The following RP1 variants were observed in gnomAD, a reference collection of about 807,000 sequenced individuals.
RP1 encodes the protein oxygen-regulated protein 1.
A neutral mutation model predicts 14.8 loss-of-function variants in RP1; 16 were observed. That is an observed-to-expected ratio of 1.08 (90% CI 0.73 to 1.65). The LOEUF (loss-of-function observed/expected upper bound fraction) is 1.65. RP1 is among the 40% of genes most tolerant of loss of function. The probability of loss-of-function intolerance (pLI) is 0.00; values close to 1 mark genes in which losing one functional copy is unlikely to be tolerated. For missense variants in RP1, 2,631 were observed against 2,535.0 expected, an observed-to-expected ratio of 1.04 and a Z score of -0.81; for synonymous variants, 876 against 883.6, an observed-to-expected ratio of 0.99 and a Z score of 0.15.
chr8:54,815,414 G>T (rs1420938543), intron 24 of RP1, among the ~76,000 whole-genome samples: 1 of 152,150 alleles, frequency 6.6e-6, no homozygotes, highest in Non-Finnish European at 1.5e-5. Flanking sequence ...CTTAATATTT[G>T]CATCAACTCA....
chr8:54,570,336 T>TTA (rs1563314792), intron 1 of RP1, among the ~76,000 whole-genome samples: 1 of 151,442 alleles, frequency 6.6e-6, no homozygotes. Flanking sequence ...TATGTACTTT[T>TTA]TTTTTTTTTT....
At chr8:54,656,326 G>A (rs1806754285) in intron 6 of RP1, 1 of 1,112,280 alleles carries the variant, frequency 9.0e-7, no homozygotes, top group Non-Finnish European at 1.2e-6. Flanking sequence ...AGGACTGCCA[G>A]TTTCTTATCA....
intron 1 of RP1, among the ~76,000 whole-genome samples, chr8:54,580,997 TTTATCTATTTA>T (rs1166101440): frequency 1.5e-5 from 2 of 130,248 alleles, no homozygotes; most frequent in Non-Finnish European, 3.7e-5. Context: ...TTTTTATTTA[TTTATCTATTTA>T]TTTTTTTTTA....
chr8:54,612,544 A>T (rs1805623328), upstream of RP1, among the ~76,000 whole-genome samples: 1 of 152,190 alleles, frequency 6.6e-6, no homozygotes, highest in Non-Finnish European at 1.5e-5. Flanking sequence ...AAGTGGGGAG[A>T]TGAGTTCCTG....
chr8:54,853,975 GAGAA>G (rs1232723637), intron 26 of RP1, among the ~76,000 whole-genome samples: 28 of 149,566 alleles, frequency 1.9e-4, no homozygotes, highest in African/African-American at 6.6e-4. Context: ...GAGAAAGAAA[GAGAA>G]AGAAAGGAAG....
At chr8:54,718,871 G>A (rs1380813051) in intron 15 of RP1, among the ~76,000 whole-genome samples, 1 of 152,120 alleles carries the variant, frequency 6.6e-6, no homozygotes, top group Non-Finnish European at 1.5e-5. Flanking sequence ...AAGCATAGGG[G>A]ATCTTTAGGG....
intron 22 of RP1, chr8:54,759,107 A>T (rs1809576909): frequency 6.6e-7 from 1 of 1,523,498 alleles, no homozygotes. Flanking sequence ...ACTTCAAAAG[A>T]GTATGCTGCA....
At chr8:54,689,028 A>G (rs1807639957) in intron 12 of RP1, among the ~76,000 whole-genome samples, 1 of 152,126 alleles carries the variant, frequency 6.6e-6, no homozygotes, top group Non-Finnish European at 1.5e-5. Context: ...GGTCCTTGAC[A>G]TCCCTTGTAA....
intron 15 of RP1, among the ~76,000 whole-genome samples, chr8:54,711,615 C>T (rs1808295143): frequency 6.6e-6 from 1 of 152,172 alleles, no homozygotes; most frequent in Non-Finnish European, 1.5e-5. Context: ...CCTAAGCTCA[C>T]ACAGCAACCA....
chr8:54,580,451 C>A (rs538255087), intron 1 of RP1, among the ~76,000 whole-genome samples: 1 of 149,524 alleles, frequency 6.7e-6, no homozygotes, highest in South Asian at 2.1e-4. Flanking sequence ...GGACTACAGG[C>A]GTGCGCCACC....
chr8:54,772,695 A>T (rs1005186424), downstream of RP1, among the ~76,000 whole-genome samples: 1 of 152,326 alleles, frequency 6.6e-6, no homozygotes, highest in Admixed American at 6.5e-5. Context: ...ACACAAACAG[A>T]TTTAGAATTT....
intron 17 of RP1, among the ~76,000 whole-genome samples, chr8:54,729,655 T>C (rs1215064849): frequency 6.6e-6 from 1 of 152,118 alleles, no homozygotes; most frequent in Non-Finnish European, 1.5e-5. Context: ...TATATACACT[T>C]GTAGATTATA....
rs186123677 is a variant in RP1 at position 54,693,969 on chromosome 8, T to G, written c.1718-5498T>G. On this transcript the variant is annotated intron_variant, in intron 12 of 22. Coordinates refer to the RP1 transcript ENST00000636932. Reference sequence around the variant, plus strand: ...TGGGTGTGGGTTTGTCATAGATAGCTCTTATTATTTTGAGATACATCCCAT... The same window carrying G: ...TGGGTGTGGGTTTGTCATAGATAGCGCTTATTATTTTGAGATACATCCCAT... Among the ~76,000 whole-genome samples the G allele has an allele frequency of 3.7e-4, 56 of 152,256 alleles. 1 individual carries two copies. Among genetic ancestry groups the G allele is most frequent in the Admixed American group, 2.5e-3 (38 of 15,280 alleles).
chr8:54,774,327 T>G (rs924363639), downstream of RP1, among the ~76,000 whole-genome samples: 1 of 152,188 alleles, frequency 6.6e-6, no homozygotes, highest in African/African-American at 2.4e-5. Context: ...GAAGCTGAGA[T>G]GCCAGAGGAA....
chr8:54,630,845 T>A, downstream of RP1: 2 of 994,928 alleles, frequency 2.0e-6, no homozygotes, highest in Non-Finnish European at 2.4e-6. Flanking sequence ...GTGCCAAATA[T>A]GTTGAGTCCA....
chr8:54,602,445 A>T (rs1189548867), intron 1 of RP1, among the ~76,000 whole-genome samples: 1 of 152,204 alleles, frequency 6.6e-6, no homozygotes, highest in Non-Finnish European at 1.5e-5. Flanking sequence ...ATTGTTGGAC[A>T]TTTGGGTTGG....
intron 24 of RP1, among the ~76,000 whole-genome samples, chr8:54,814,409 T>C (rs1306443716): frequency 6.6e-6 from 1 of 152,166 alleles, no homozygotes; most frequent in Admixed American, 6.5e-5. Context: ...CCCTTGAAAG[T>C]ATTTCAGACT....
intron 24 of RP1, among the ~76,000 whole-genome samples, chr8:54,786,048 AAT>A (rs1317446702): frequency 1.3e-5 from 2 of 152,130 alleles, no homozygotes; most frequent in Admixed American, 6.5e-5. Flanking sequence ...CAAATAAAAA[AAT>A]ATGTTTTACA....
chr8:54,760,862 A>G (rs546843540), intron 22 of RP1, among the ~76,000 whole-genome samples: 9 of 152,220 alleles, frequency 5.9e-5, no homozygotes, highest in African/African-American at 2.2e-4. Flanking sequence ...TAATTGGCCA[A>G]ACTACAAAGA....
Sources: allele counts gnomAD v4.1 joint callset (sites outside exome capture counted in the v4.1 genomes callset), GRCh38; gene constraint gnomAD v4.1.1; transcripts MANE v1.5; gene names NCBI Gene and HGNC (gene_info 2026-07-23, HGNC 2026-07-21).